The following RALGAPA2 variants were observed in gnomAD, a reference collection of about 807,000 sequenced individuals.
The protein encoded by RALGAPA2 is ral GTPase-activating protein subunit alpha-2.
RALGAPA2 carries 139 observed loss-of-function variants against 230.4 expected under a neutral mutation model. That is an observed-to-expected ratio of 0.60 (90% CI 0.53 to 0.69). RALGAPA2 has a LOEUF of 0.69. RALGAPA2 is among the 30% of genes least tolerant of loss of function. The pLI, the probability that RALGAPA2 is intolerant of heterozygous loss-of-function variation, is 0.00. For synonymous variants in RALGAPA2, 847 were observed against 837.8 expected (o/e 1.01, Z -0.19); for missense variants, 2,163 against 2,276.0 (o/e 0.95, Z 1.01).
intron 37 of RALGAPA2, among the ~76,000 whole-genome samples, chr20:20,450,570 G>A (rs1225023114): frequency 6.6e-6 from 1 of 152,248 alleles, no homozygotes; most frequent in Non-Finnish European, 1.5e-5. Flanking sequence ...GGCGGCCATA[G>A]AGTCAGGTTG....
chr20:20,693,066 A>G (rs2068973396), intron 1 of RALGAPA2, among the ~76,000 whole-genome samples: 3 of 152,224 alleles, frequency 2.0e-5, no homozygotes, highest in African/African-American at 7.2e-5. Context: ...TTCTGAAAGC[A>G]TATTGTTTTC....
rs541512497 is a variant in RALGAPA2, at chr20:20,691,050, G to A, written c.107-10249C>T. ...GGTTGTCCTCTACCCTACCTCTGCC[G>A]CCCACACCCACAGCCAGATCCTAGA... On this transcript the variant is annotated intron_variant, in intron 1 of 39. Coordinates refer to ENST00000202677, the MANE Select transcript of RALGAPA2 (RefSeq NM_020343.4). Among the ~76,000 whole-genome samples, 28 of 151,984 alleles carry A rather than the reference G, an allele frequency of 1.8e-4. No homozygotes were observed. The South Asian group carries it at 4.6e-3, about 25-fold the overall frequency.
At chr20:20,395,505 G>T (rs1272952045) in intron 39 of RALGAPA2, among the ~76,000 whole-genome samples, 2 of 152,186 alleles carry the variant, frequency 1.3e-5, no homozygotes, top group South Asian at 2.1e-4. Context: ...TGGAGACGGG[G>T]GTCTCGGCAA....
intron 37 of RALGAPA2, among the ~76,000 whole-genome samples, chr20:20,423,851 A>G (rs1023412316): frequency 3.3e-5 from 5 of 152,226 alleles, no homozygotes; most frequent in African/African-American, 1.2e-4. Flanking sequence ...GAGGTATAAG[A>G]TATTAGATTA....
At chr20:20,696,896 T>C (rs1373379092) in intron 1 of RALGAPA2, among the ~76,000 whole-genome samples, 2 of 152,174 alleles carry the variant, frequency 1.3e-5, no homozygotes, top group African/African-American at 4.8e-5. Context: ...ATTTATTATT[T>C]GGTTTTTTTG....
chr20:20,525,111 G>A lies in RALGAPA2; in HGVS notation c.3694-213C>T, dbSNP rs1435381059. Among the ~76,000 whole-genome samples, 3 of 152,278 alleles carry A rather than the reference G, an allele frequency of 2.0e-5. No individual in the cohort carries two copies. The East Asian group carries it at 5.8e-4, about 29-fold the overall frequency. ...ATCCAGTTTCCACTCTACTTTTCTG[G>A]TTGAAAAATTAGGAGGGAAGGCAGA... is the stretch of plus-strand genomic sequence containing the variant. On this transcript the variant is annotated intron_variant, in intron 28 of 39. Transcript: ENST00000202677.
intron 3 of RALGAPA2, among the ~76,000 whole-genome samples, chr20:20,661,597 C>T (rs1603218999): frequency 6.6e-6 from 1 of 152,096 alleles, no homozygotes; most frequent in Non-Finnish European, 1.5e-5. Context: ...AAATCAGTGA[C>T]CTCTCCCCCA....
chr20:20,686,203 A>G (rs1176420177), intron 1 of RALGAPA2, among the ~76,000 whole-genome samples: 2 of 152,192 alleles, frequency 1.3e-5, no homozygotes, highest in African/African-American at 4.8e-5. Flanking sequence ...AAGCCACAGG[A>G]CCTTGGACAA....
chr20:20,577,963 T>A (rs2064871937), intron 20 of RALGAPA2, among the ~76,000 whole-genome samples: 1 of 152,110 alleles, frequency 6.6e-6, no homozygotes, highest in African/African-American at 2.4e-5. Context: ...TACCTCATCA[T>A]CACCTGCACC....
At chr20:20,674,188 A>AAATAATAATAATAAT (rs72521913) in intron 3 of RALGAPA2, among the ~76,000 whole-genome samples, 5 of 146,298 alleles carry the variant, frequency 3.4e-5, no homozygotes, top group African/African-American at 1.2e-4. Flanking sequence ...ACCCTGACTC[A>AAATAATAATAATAAT]AATAATAATA....
intron 37 of RALGAPA2, among the ~76,000 whole-genome samples, chr20:20,452,105 G>C (rs1215146991): frequency 6.6e-6 from 1 of 152,152 alleles, no homozygotes; most frequent in Non-Finnish European, 1.5e-5. Context: ...CTACCAAACT[G>C]TTTTGACTCT....
intron 37 of RALGAPA2, among the ~76,000 whole-genome samples, chr20:20,438,218 G>A (rs1390074711): frequency 5.9e-5 from 9 of 152,128 alleles, no homozygotes; most frequent in Non-Finnish European, 8.8e-5. Flanking sequence ...TTTTCATGAC[G>A]CATTATATTG....
chr20:20,409,767 A>T (rs924406911), intron 38 of RALGAPA2, among the ~76,000 whole-genome samples: 1 of 152,220 alleles, frequency 6.6e-6, no homozygotes, highest in African/African-American at 2.4e-5. Context: ...GTGCTTGTCT[A>T]TGGTGCTGAA....
chr20:20,626,866 C>T (rs2066503972), intron 10 of RALGAPA2, among the ~76,000 whole-genome samples: 1 of 152,054 alleles, frequency 6.6e-6, no homozygotes, highest in African/African-American at 2.4e-5. Context: ...AGAGTTTAGC[C>T]CCTGTGACAG....
In RALGAPA2 at chr20:20,696,983, G is replaced by A. The variant is rs569916734; in HGVS notation, c.106+15392C>T. On this transcript the variant is annotated intron_variant, in intron 1 of 39. Coordinates refer to ENST00000202677, the MANE Select transcript of RALGAPA2 (RefSeq NM_020343.4). Reference sequence around the variant, plus strand: ...ACTCCTGGCCTCAAGCAATCCACCTGCCTGGGCCTCACAAAGTACTAGGAT... The same window carrying A: ...ACTCCTGGCCTCAAGCAATCCACCTACCTGGGCCTCACAAAGTACTAGGAT... Among the ~76,000 whole-genome samples the A allele has an allele frequency of 3.4e-4, 52 of 152,192 alleles. No homozygotes were observed. The South Asian group carries it at 7.3e-3, about 21-fold the overall frequency.
At chr20:20,644,979 G>A (rs1445218212) in intron 4 of RALGAPA2, among the ~76,000 whole-genome samples, 1 of 152,132 alleles carries the variant, frequency 6.6e-6, no homozygotes, top group Non-Finnish European at 1.5e-5. Flanking sequence ...CCAGCCATCT[G>A]GCTAATCCAT....
intron 23 of RALGAPA2, among the ~76,000 whole-genome samples, chr20:20,565,984 A>C (rs910710362): frequency 2.0e-5 from 3 of 152,202 alleles, no homozygotes; most frequent in Non-Finnish European, 4.4e-5. Flanking sequence ...GGAACCAATC[A>C]CAAATCTCCA....
intron 36 of RALGAPA2, among the ~76,000 whole-genome samples, chr20:20,486,335 T>C (rs1364691285): frequency 1.3e-5 from 2 of 152,088 alleles, no homozygotes. Flanking sequence ...TCCTTCACTT[T>C]TGAAGGATAA....
chr20:20,393,989 ATTT>A (rs1346722459), intron 39 of RALGAPA2, among the ~76,000 whole-genome samples: 1 of 152,034 alleles, frequency 6.6e-6, no homozygotes, highest in Non-Finnish European at 1.5e-5. Context: ...CTCGTAGTGT[ATTT>A]TTAAACCCTG....
Sources: gnomAD v4.1 joint callset for allele counts (sites outside exome capture counted in the v4.1 genomes callset) on GRCh38, gnomAD v4.1.1 for gene constraint, MANE v1.5 for transcripts, NCBI Gene and HGNC (gene_info 2026-07-23, HGNC 2026-07-21) for gene names.